Variants in DNAH6 observed in about 807,000 individuals in gnomAD.
DNAH6 encodes axonemal beta dynein heavy chain 6.
DNAH6 carries 340 observed loss-of-function variants against 491.4 expected under a neutral mutation model. The ratio of observed to expected loss-of-function variants is 0.69; its 90% CI spans 0.63 to 0.76. The LOEUF is 0.76. Among genes scored for constraint, DNAH6 ranks in the 30% least tolerant of loss-of-function variants. The probability of loss-of-function intolerance (pLI) is 0.00; values close to 1 mark genes in which losing one functional copy is unlikely to be tolerated. For missense variants in DNAH6, 4,443 were observed against 4,972.2 expected (o/e 0.89, Z 3.20); for synonymous variants, 1,603 against 1,686.1 (o/e 0.95, Z 1.21).
At chr2:84,589,724 A>G (rs1683916182) in intron 16 of DNAH6, among the ~76,000 whole-genome samples, 1 of 151,752 alleles carries the variant, frequency 6.6e-6, no homozygotes, top group Non-Finnish European at 1.5e-5. Flanking sequence ...AAAAAAAAAA[A>G]AAAAAAAGAA....
At position 84,685,319 on chromosome 2, in the gene DNAH6, A is replaced by G; in HGVS notation, c.6917-7A>G. 1.4e-6 allele frequency: 2 copies of G among 1,452,676 alleles called. No individual in the cohort carries two copies. Among genetic ancestry groups the G allele is most frequent in the Non-Finnish European group, 1.8e-6 (2 of 1,095,964 alleles). The allele number at this position is 1,452,676 out of a possible 1,614,324, so 90.0% of individuals were successfully genotyped here. On this transcript the variant is annotated splice_polypyrimidine_tract_variant and splice_region_variant and intron_variant, in intron 42 of 76. Coordinates refer to ENST00000389394, the MANE Select transcript of DNAH6 (RefSeq NM_001370.2). ...TTCTTTTTTTTTTTCCTTTTCTTAAAAAACAGGTATCCTCCAATGTGATCC... is the reference window on the plus strand; with the variant it reads ...TTCTTTTTTTTTTTCCTTTTCTTAAGAAACAGGTATCCTCCAATGTGATCC...
chr2:84,741,773 A>G (rs1044995115), intron 62 of DNAH6, among the ~76,000 whole-genome samples: 7 of 152,352 alleles, frequency 4.6e-5, no homozygotes, highest in Middle Eastern at 3.4e-3. Context: ...AGGCTGCACC[A>G]GGCTCGGATT....
At chr2:84,605,961 G>A (rs944674118) in intron 20 of DNAH6, among the ~76,000 whole-genome samples, 18 of 152,066 alleles carry the variant, frequency 1.2e-4, no homozygotes, top group African/African-American at 4.3e-4. Context: ...AAAATAAAGG[G>A]CACTTCAAAC....
intron 29 of DNAH6, among the ~76,000 whole-genome samples, chr2:84,626,927 A>T (rs11900084): frequency 0.19 from 29,395 of 152,058 alleles, 5,533 homozygotes; most frequent in African/African-American, 0.49. Context: ...TTTTCTAACT[A>T]CTGTGTGCTG....
At chr2:84,799,033 G>C (rs112031987) in intron 70 of DNAH6, among the ~76,000 whole-genome samples, 3,646 of 150,156 alleles carry the variant, frequency 0.024, 120 homozygotes, top group African/African-American at 0.081. Context: ...TGTCATTCAG[G>C]CTAGAGTGCA....
intron 11 of DNAH6, among the ~76,000 whole-genome samples, chr2:84,571,025 G>A (rs10176098): frequency 0.96 from 146,873 of 152,282 alleles, 70,875 homozygotes; most frequent in East Asian, 1. Flanking sequence ...CAGCAAGACC[G>A]AGAATCCACC....
intron 63 of DNAH6, among the ~76,000 whole-genome samples, chr2:84,749,505 G>C (rs1248498490): frequency 1.3e-5 from 2 of 152,202 alleles, no homozygotes; most frequent in African/African-American, 4.8e-5. Context: ...ATGGGTATGG[G>C]TGACTGTGAA....
chr2:84,505,705 C>T, the DNAH6 span, among the ~76,000 whole-genome samples: 1 of 152,140 alleles, frequency 6.6e-6, no homozygotes. Context: ...CTATCCCTCC[C>T]CACTCCCTCC....
chr2:84,688,652 T>TA (rs1694538486), intron 45 of DNAH6, 59 bp downstream of exon 45: 6 of 1,384,478 alleles, frequency 4.3e-6, no homozygotes, highest in South Asian at 1.5e-5. Flanking sequence ...TATTAAAGGG[T>TA]AAAAAAATAA....
chr2:84,740,163 C>T (rs939871608), intron 62 of DNAH6, among the ~76,000 whole-genome samples: 5 of 152,036 alleles, frequency 3.3e-5, no homozygotes, highest in Admixed American at 3.3e-4. Flanking sequence ...GTACAGGTTC[C>T]TTGGTTGCAA....
At chr2:84,576,500 G>C (rs1341572483) in intron 12 of DNAH6, among the ~76,000 whole-genome samples, 3 of 152,088 alleles carry the variant, frequency 2.0e-5, no homozygotes, top group African/African-American at 4.8e-5. Context: ...AAATCAATTT[G>C]ACCCAAATGT....
chr2:84,559,022 C>T (rs556110879), intron 11 of DNAH6, among the ~76,000 whole-genome samples: 101 of 152,274 alleles, frequency 6.6e-4, no homozygotes, highest in African/African-American at 2.3e-3. Flanking sequence ...CATAGTGTTT[C>T]AATCTCTTTA....
rs201050826 is a variant in DNAH6 at position 84,544,271 on chromosome 2, A to G, written c.701A>G (p.Tyr234Cys). 273 of 1,508,914 alleles carry G rather than the reference A, an allele frequency of 1.8e-4. No individual in the cohort carries two copies. The highest frequency in any genetic ancestry group is 1.4e-4 in the Admixed American group (7 of 50,836). 93.5% of individuals were successfully genotyped at this position (1,508,914 alleles called of 1,614,324 possible). A position where few individuals can be genotyped will look rare whatever the true frequency, so the allele number is the denominator to read the frequency against. The change falls in exon 5 of 77, where the codon TAT becomes TGT. Residue 234 changes from tyrosine to cysteine, a missense_variant. By Grantham distance (194) the Tyr-to-Cys change is radical (BLOSUM62 -2). This residue lies in a region of DNAH6 where 2,977 missense variants were observed against 3,296.6 expected (regional missense o/e 0.90). Transcript: ENST00000389394. ...GAGAACATCAATAAAAATGACTACT[A>G]TACTATTAGCCAAAGGGCAGTAACA... Reference protein sequence around the residue: ...SYENINKNDYYTISQRAVTHI... With the variant: ...SYENINKNDYCTISQRAVTHI...
chr2:84,539,559 A>G (rs549415994), intron 4 of DNAH6, among the ~76,000 whole-genome samples: 2 of 152,194 alleles, frequency 1.3e-5, no homozygotes, highest in South Asian at 2.1e-4. Context: ...CTAAGATTCA[A>G]TTAGAGTTAT....
rs950767186 is a variant in DNAH6, at chr2:84,805,766, T to A, written c.11583T>A (p.Leu3861=). The A allele has an allele frequency of 1.3e-6, 2 of 1,551,420 alleles. No homozygotes were observed. The highest frequency in any genetic ancestry group is 2.7e-5 in the African/African-American group (2 of 73,042). ...GCAATGACGAAATTGTTCAAGAACT[T>A]GTTGCTTCTGTCCAGACCAGAGTTC... ...GKSNDEIVQE[L]VASVQTRVPE... The change falls in exon 71 of 77, where the codon CTT becomes CTA. Residue 3861 remains leucine, a synonymous_variant. Coordinates refer to ENST00000389394, the MANE Select transcript of DNAH6 (RefSeq NM_001370.2).
intron 70 of DNAH6, among the ~76,000 whole-genome samples, chr2:84,799,786 A>G (rs1678713479): frequency 6.6e-6 from 1 of 152,206 alleles, no homozygotes; most frequent in African/African-American, 2.4e-5. Flanking sequence ...GCCAGCCACT[A>G]AAAGAGACAC....
intron 45 of DNAH6, 119 bp from the exon 46 acceptor site, chr2:84,694,130 C>G (rs756006789): frequency 2.5e-6 from 2 of 804,780 alleles, no homozygotes; most frequent in Non-Finnish European, 4.0e-6. Flanking sequence ...TCTTCCCTTG[C>G]AGCATCCTGC....
chr2:84,647,309 G>A (rs1407813714), intron 33 of DNAH6, among the ~76,000 whole-genome samples: 1 of 152,202 alleles, frequency 6.6e-6, no homozygotes, highest in Non-Finnish European at 1.5e-5. Flanking sequence ...TGTAGAGGCT[G>A]CAGTAAGTTA....
At chr2:84,725,512 A>T (rs1382079040) in intron 60 of DNAH6, among the ~76,000 whole-genome samples, 1 of 152,220 alleles carries the variant, frequency 6.6e-6, no homozygotes, top group Non-Finnish European at 1.5e-5. Context: ...CAAAATAAGG[A>T]TTACCAAATC....
Sources: gnomAD v4.1 joint callset for allele counts (sites outside exome capture counted in the v4.1 genomes callset) on GRCh38, gnomAD v4.1.1 for gene constraint, gnomAD v4.1.1 regional missense constraint, MANE v1.5 for transcripts, NCBI Gene and HGNC (gene_info 2026-07-23, HGNC 2026-07-21) for gene names.